The following PRUNE2 variants were observed in gnomAD, a reference collection of about 807,000 sequenced individuals.
PRUNE2 encodes the protein protein prune homolog 2.
In PRUNE2, 164 loss-of-function variants were observed where a neutral mutation model predicts 252.0. The observed-to-expected ratio is 0.65, with a 90% confidence interval of 0.57 to 0.74. The LOEUF is 0.74. Among genes scored for constraint, PRUNE2 ranks in the 30% least tolerant of loss-of-function variants. The pLI is 0.00. For synonymous variants in PRUNE2, 1,292 were observed against 1,350.2 expected (o/e 0.96, Z 0.94); for missense variants, 3,495 against 3,711.0 (o/e 0.94, Z 1.51).
intron 4 of PRUNE2, among the ~76,000 whole-genome samples, chr9:76,840,792 C>G (rs1424557588): frequency 6.6e-6 from 1 of 152,160 alleles, no homozygotes; most frequent in Admixed American, 6.5e-5. Context: ...ACCAGCCTGG[C>G]CAACATGGCG....
At chr9:76,774,457 T>TATTTATTTATTTATTTATTTTA (rs756648285) in intron 6 of PRUNE2, among the ~76,000 whole-genome samples, 2 of 73,556 alleles carry the variant, frequency 2.7e-5, no homozygotes, top group Admixed American at 2.5e-4. Flanking sequence ...ACCCTTTTTT[T>TATTTATTTATTTATTTATTTTA]TTTTTTTTTT....
chr9:76,738,289 C>T (rs1293593591), intron 6 of PRUNE2: 2 of 152,126 alleles, frequency 1.3e-5, no homozygotes, highest in Non-Finnish European at 1.5e-5. Flanking sequence ...CCACTGAGCC[C>T]CATGGAGCCC....
intron 1 of PRUNE2, among the ~76,000 whole-genome samples, chr9:76,867,220 C>T (rs2060900557): frequency 6.6e-6 from 1 of 151,504 alleles, no homozygotes; most frequent in Non-Finnish European, 1.5e-5. Context: ...CCGCCCCCGC[C>T]AGCAGGTGTT....
chr9:76,752,106 T>TTG (rs747714209), intron 6 of PRUNE2, among the ~76,000 whole-genome samples: 98,336 of 149,584 alleles, frequency 0.66, 33,093 homozygotes, highest in East Asian at 0.8. Context: ...GGTTTTTTTT[T>TTG]TTTTTTTTTG....
chr9:76,694,209 G>A (rs2045143571), intron 9 of PRUNE2, among the ~76,000 whole-genome samples: 1 of 151,826 alleles, frequency 6.6e-6, no homozygotes. Context: ...GCCTAGCTCT[G>A]TTGCCCAGGT....
chr9:76,860,927 G>T (rs2060511149), intron 1 of PRUNE2, among the ~76,000 whole-genome samples: 1 of 152,160 alleles, frequency 6.6e-6, no homozygotes. Flanking sequence ...TGGCTGCAGG[G>T]TGATGCGGAA....
At chr9:76,834,074 G>A (rs2058824439) in intron 4 of PRUNE2, among the ~76,000 whole-genome samples, 1 of 151,536 alleles carries the variant, frequency 6.6e-6, no homozygotes, top group Non-Finnish European at 1.5e-5. Context: ...GGAGAGACGG[G>A]GTTTCACCAT....
chr9:76,730,726 C>T (rs1348976279), intron 6 of PRUNE2, among the ~76,000 whole-genome samples: 1 of 152,158 alleles, frequency 6.6e-6, no homozygotes, highest in Non-Finnish European at 1.5e-5. Context: ...ATGGTGAAAC[C>T]CCATCTCTAT....
chr9:76,665,338 C>A (rs1275245998), intron 9 of PRUNE2, among the ~76,000 whole-genome samples: 1 of 152,140 alleles, frequency 6.6e-6, no homozygotes. Context: ...CGCCTCCATC[C>A]CACAGAATCG....
chr9:76,656,298 T>C (rs1453191449), intron 9 of PRUNE2, among the ~76,000 whole-genome samples: 1 of 152,194 alleles, frequency 6.6e-6, no homozygotes, highest in Non-Finnish European at 1.5e-5. Context: ...CCCTGGACCT[T>C]TGTTCAGTAA....
At chr9:76,770,399 A>G (rs1184370333) in intron 6 of PRUNE2, among the ~76,000 whole-genome samples, 1 of 152,132 alleles carries the variant, frequency 6.6e-6, no homozygotes, top group Non-Finnish European at 1.5e-5. Flanking sequence ...TTGAAAACAC[A>G]TTTTCAATCC....
chr9:76,731,348 G>C (rs2048590614), intron 6 of PRUNE2, among the ~76,000 whole-genome samples: 1 of 120,628 alleles, frequency 8.3e-6, no homozygotes, highest in African/African-American at 3.3e-5. Flanking sequence ...TTTGAGACAG[G>C]GTATTGCTCT....
At chr9:76,687,508 A>G (rs886740742) in intron 9 of PRUNE2, 1 of 184,940 alleles carries the variant, frequency 5.4e-6, no homozygotes. Context: ...ATTGGAAGGG[A>G]TATTGAATGC....
In PRUNE2 at chr9:76,769,274, T is replaced by A. The variant is rs183431355; in HGVS notation, c.756+54358A>T. Among the ~76,000 whole-genome samples, 35 of 152,368 alleles carry A rather than the reference T, an allele frequency of 2.3e-4. No homozygotes were observed. The East Asian group carries it at 5.6e-3, about 24-fold the overall frequency. On this transcript the variant is annotated intron_variant, in intron 6 of 18. Coordinates refer to ENST00000376718, the MANE Select transcript of PRUNE2 (RefSeq NM_015225.3). ...TCTGCAGCTTAAAACAATTTTTTAC[T>A]TCAATACACTGGGGACATCCCTCAG...
At chr9:76,868,053 A>G (rs1044451050) in intron 1 of PRUNE2, among the ~76,000 whole-genome samples, 3 of 152,084 alleles carry the variant, frequency 2.0e-5, no homozygotes, top group Non-Finnish European at 4.4e-5. Flanking sequence ...CCTGCTTTTC[A>G]TGTCATTCCT....
At chr9:76,731,082 T>C (rs1260328661) in intron 6 of PRUNE2, among the ~76,000 whole-genome samples, 1 of 152,130 alleles carries the variant, frequency 6.6e-6, no homozygotes, top group Non-Finnish European at 1.5e-5. Flanking sequence ...GAAGAGTGGC[T>C]TGCTGGTCAA....
intron 9 of PRUNE2, among the ~76,000 whole-genome samples, chr9:76,698,809 G>GA (rs2045627015): frequency 6.6e-6 from 1 of 152,026 alleles, no homozygotes; most frequent in South Asian, 2.1e-4. Flanking sequence ...TATCAGACAT[G>GA]AAAAAAGGTG....
At chr9:76,655,395 G>A (rs775255015) in intron 10 of PRUNE2, 28 bp downstream of exon 10, 31 of 1,541,348 alleles carry the variant, frequency 2.0e-5, no homozygotes, top group Non-Finnish European at 2.6e-5. Flanking sequence ...GAATACCAAC[G>A]AAGGAAATGA....
chr9:76,645,430 A>C (rs1166998014), intron 11 of PRUNE2, among the ~76,000 whole-genome samples: 1 of 152,188 alleles, frequency 6.6e-6, no homozygotes, highest in Non-Finnish European at 1.5e-5. Context: ...TGAGCCCCCT[A>C]TTGGGAGCAT....
Sources: allele counts gnomAD v4.1 joint callset (sites outside exome capture counted in the v4.1 genomes callset), GRCh38; gene constraint gnomAD v4.1.1; transcripts MANE v1.5; gene names NCBI Gene and HGNC (gene_info 2026-07-23, HGNC 2026-07-21).